The following IL1RAP variants were observed in gnomAD, a reference collection of about 807,000 sequenced individuals.
IL1RAP encodes the protein interleukin-1 receptor accessory protein.
IL1RAP carries 35 observed loss-of-function variants against 60.7 expected under a neutral mutation model. The ratio of observed to expected loss-of-function variants is 0.58; its 90% CI spans 0.44 to 0.76. The LOEUF is 0.76. Ranked by LOEUF, IL1RAP falls within the 30% of genes least tolerant of loss-of-function variation. The probability of loss-of-function intolerance (pLI) is 0.00; values close to 1 mark genes in which losing one functional copy is unlikely to be tolerated. For synonymous variants in IL1RAP, 268 were observed against 250.9 expected (o/e 1.07, Z -0.64); for missense variants, 572 against 693.9 (o/e 0.82, Z 1.97).
intron 3 of IL1RAP, among the ~76,000 whole-genome samples, chr3:190,598,223 T>A (rs1365595753): frequency 6.6e-6 from 1 of 152,232 alleles, no homozygotes; most frequent in Non-Finnish European, 1.5e-5. Context: ...GAAGAATATC[T>A]GTAGGAAATA....
At chr3:190,520,641 C>CA (rs1350621264) in intron 1 of IL1RAP, 1 of 152,160 alleles carries the variant, frequency 6.6e-6, no homozygotes, top group African/African-American at 2.4e-5. Context: ...GCTTCGATCT[C>CA]AAGATTTCTA....
chr3:190,648,557 C>G lies in IL1RAP; in HGVS notation c.1565C>G (p.Thr522Arg). ...CTGAAGAGGGCTAAGACGGTGCTCA[C>G]GGTCATTAAATGGAAAGGGGAAAAA... Reference protein sequence around the residue: ...KELKRAKTVLTVIKWKGEKSK... With the variant: ...KELKRAKTVLRVIKWKGEKSK... The change falls in exon 12 of 12, where the codon ACG becomes AGG. Residue 522 changes from threonine (T) to arginine (R), a missense_variant. Coordinates refer to ENST00000447382, the MANE Select transcript of IL1RAP (RefSeq NM_002182.4). The G allele has an allele frequency of 6.2e-7, 1 of 1,614,026 alleles. No homozygotes were observed. The highest frequency in any genetic ancestry group is 8.5e-7 in the Non-Finnish European group (1 of 1,180,000).
At chr3:190,558,801 T>C (rs55971495) in intron 2 of IL1RAP, among the ~76,000 whole-genome samples, 1 of 152,108 alleles carries the variant, frequency 6.6e-6, no homozygotes, top group African/African-American at 2.4e-5. Context: ...TTGGAGAAAA[T>C]TGACTTCTCT....
intron 4 of IL1RAP, among the ~76,000 whole-genome samples, chr3:190,607,995 A>C (rs745848072): frequency 2.0e-5 from 3 of 152,178 alleles, no homozygotes; most frequent in Non-Finnish European, 4.4e-5. Context: ...CTGAAAACAT[A>C]GTTTTTCCCA....
At chr3:190,658,118 C>A (rs1343480040) in exon 12 of IL1RAP, 2 of 150,518 alleles carry the variant, frequency 1.3e-5, no homozygotes, top group African/African-American at 4.9e-5. Context: ...ACTAATTGAG[C>A]CCCAATGTTG....
rs1180994478 is a variant in IL1RAP at position 190,630,096 on chromosome 3, ATTATT to A, written c.1051+602_1051+606del. On this transcript the variant is annotated intron_variant, in intron 9 of 11. Coordinates refer to ENST00000447382, the MANE Select transcript of IL1RAP (RefSeq NM_002182.4). ...TTTTCCAAAAATGCATAATTATAAT[ATTATT>A]TTAAACACTATGTATCAATATTTAA... 5.2e-6 allele frequency: 4 copies of A among 772,316 alleles called. No individual in the cohort carries two copies. The African/African-American group carries it at 7.6e-5, about 15-fold the overall frequency. The allele number at this position is 772,316 out of a possible 1,614,324, so 47.8% of individuals were successfully genotyped here. A position where few individuals can be genotyped will look rare whatever the true frequency, so the allele number is the denominator to read the frequency against.
intron 9 of IL1RAP, among the ~76,000 whole-genome samples, chr3:190,641,795 G>A (rs1466740632): frequency 6.6e-6 from 1 of 152,108 alleles, no homozygotes; most frequent in African/African-American, 2.4e-5. Flanking sequence ...AATAACAGTG[G>A]AAATTACCCT....
At chr3:190,561,104 C>T (rs1725850405) in intron 2 of IL1RAP, among the ~76,000 whole-genome samples, 1 of 152,150 alleles carries the variant, frequency 6.6e-6, no homozygotes, top group Non-Finnish European at 1.5e-5. Flanking sequence ...AAGCTAAGCT[C>T]TAATTTAGAC....
downstream of IL1RAP, among the ~76,000 whole-genome samples, chr3:190,652,080 G>A (rs144404822): frequency 6.6e-6 from 1 of 152,090 alleles, no homozygotes; most frequent in Admixed American, 6.5e-5. Flanking sequence ...TACAAATTTT[G>A]AATAAATCAG....
At chr3:190,540,178 T>C (rs1018320234) in intron 1 of IL1RAP, among the ~76,000 whole-genome samples, 3 of 152,192 alleles carry the variant, frequency 2.0e-5, no homozygotes, top group Non-Finnish European at 1.5e-5. Flanking sequence ...TGGTAGAACA[T>C]TGAGGGACAG....
At chr3:190,630,769 G>T (rs1468864142) in intron 9 of IL1RAP, among the ~76,000 whole-genome samples, 2 of 152,122 alleles carry the variant, frequency 1.3e-5, no homozygotes, top group East Asian at 1.9e-4. Context: ...ATGCATTATT[G>T]TACTCTAGAA....
chr3:190,603,329 A>G (rs1412058106), intron 3 of IL1RAP, among the ~76,000 whole-genome samples: 1 of 152,218 alleles, frequency 6.6e-6, no homozygotes, highest in Non-Finnish European at 1.5e-5. Flanking sequence ...ACCTTGTAGA[A>G]CTAAGCTCCT....
At chr3:190,604,019 A>G (rs966268620) in intron 3 of IL1RAP, 109 bp from the exon 4 acceptor site, 7 of 1,089,712 alleles carry the variant, frequency 6.4e-6, no homozygotes, top group Non-Finnish European at 9.2e-6. Flanking sequence ...ATGACCAGAG[A>G]AAGAGGTTCT....
chr3:190,590,397 A>G (rs2108711043), intron 3 of IL1RAP, among the ~76,000 whole-genome samples: 1 of 152,176 alleles, frequency 6.6e-6, no homozygotes, highest in South Asian at 2.1e-4. Context: ...CTGGGACTAC[A>G]GGTGCCCACC....
intron 11 of IL1RAP, among the ~76,000 whole-genome samples, chr3:190,646,368 C>T (rs2108860338): frequency 6.6e-6 from 1 of 151,716 alleles, no homozygotes; most frequent in Non-Finnish European, 1.5e-5. Context: ...TTTTTTTTCC[C>T]CCTCACTTTT....
In IL1RAP at chr3:190,629,343, T is replaced by C; in HGVS notation, c.903-7T>C. ...AAATGCTTTGATTTTCTTCTCTCTA[T>C]TTCTAGTATAAGTCATAGTAGAACA... On this transcript the variant is annotated splice_region_variant and splice_polypyrimidine_tract_variant and intron_variant, in intron 8 of 11. Transcript: ENST00000447382. The C allele has an allele frequency of 3.8e-6, 6 of 1,580,478 alleles. No homozygotes were observed. Among genetic ancestry groups the C allele is most frequent in the Non-Finnish European group, 5.2e-6 (6 of 1,156,632 alleles).
intron 2 of IL1RAP, among the ~76,000 whole-genome samples, chr3:190,560,663 T>G (rs1479616347): frequency 2.0e-5 from 3 of 152,140 alleles, no homozygotes; most frequent in Admixed American, 6.5e-5. Flanking sequence ...ATCCCACCCT[T>G]GGCACAGCAA....
At chr3:190,644,784 GT>G (rs1174108044) in intron 10 of IL1RAP, among the ~76,000 whole-genome samples, 1 of 152,118 alleles carries the variant, frequency 6.6e-6, no homozygotes. Flanking sequence ...ATATTTTAGT[GT>G]TTTCTTTGGT....
intron 3 of IL1RAP, among the ~76,000 whole-genome samples, chr3:190,574,966 A>G (rs1476433709): frequency 6.6e-6 from 1 of 151,400 alleles, no homozygotes; most frequent in Non-Finnish European, 1.5e-5. Flanking sequence ...TTTAATACAC[A>G]AAGCCTCTTC....
Sources: allele counts gnomAD v4.1 joint callset (sites outside exome capture counted in the v4.1 genomes callset), GRCh38; gene constraint gnomAD v4.1.1; transcripts MANE v1.5; gene names NCBI Gene and HGNC (gene_info 2026-07-23, HGNC 2026-07-21).